Variants in ZNF148 observed in about 807,000 individuals in gnomAD.
ZNF148 encodes the protein zinc finger protein 148.
Under a neutral mutation model 67.7 loss-of-function variants are expected in ZNF148, and 7 were observed. The observed-to-expected ratio is 0.10, with a 90% CI of 0.06 to 0.19. The LOEUF (loss-of-function observed/expected upper bound fraction) is 0.19, where lower values mean the gene tolerates loss of function less well. Among genes scored for constraint, ZNF148 ranks in the 10% least tolerant of loss-of-function variants. The probability of loss-of-function intolerance (pLI) is 1.00; values close to 1 mark genes in which losing one functional copy is unlikely to be tolerated. For missense variants in ZNF148, 583 were observed against 947.1 expected (o/e 0.62, Z 5.05); for synonymous variants, 333 against 330.7 (o/e 1.01, Z -0.08).
chr3:125,358,823 T>C (rs541165786), intron 1 of ZNF148, among the ~76,000 whole-genome samples: 1 of 152,308 alleles, frequency 6.6e-6, no homozygotes, highest in East Asian at 1.9e-4. Flanking sequence ...TTCATTCTAA[T>C]CTCTTGGATA....
intron 3 of ZNF148, among the ~76,000 whole-genome samples, chr3:125,317,830 C>G (rs759736287): frequency 6.0e-5 from 9 of 151,002 alleles, no homozygotes; most frequent in Non-Finnish European, 1.3e-4. Context: ...GTACCAACAT[C>G]TTTTCTTTCT....
intron 4 of ZNF148, among the ~76,000 whole-genome samples, chr3:125,310,452 T>C (rs1332050543): frequency 1.3e-5 from 2 of 152,160 alleles, no homozygotes; most frequent in Non-Finnish European, 2.9e-5. Context: ...TATCAAAATC[T>C]ATGCAATGTA....
At chr3:125,372,995 A>T (rs1466303196) in intron 1 of ZNF148, among the ~76,000 whole-genome samples, 1 of 152,084 alleles carries the variant, frequency 6.6e-6, no homozygotes, top group Non-Finnish European at 1.5e-5. Flanking sequence ...AAATTTTTTT[A>T]AAAAGGGTAG....
At chr3:125,253,913 TATG>T (rs1936958820) in intron 7 of ZNF148, among the ~76,000 whole-genome samples, 1 of 152,188 alleles carries the variant, frequency 6.6e-6, no homozygotes, top group South Asian at 2.1e-4. Context: ...TGGGTCAAGT[TATG>T]ATGGTTTCAT....
intron 4 of ZNF148, among the ~76,000 whole-genome samples, chr3:125,295,118 G>T (rs1266822357): frequency 6.6e-6 from 1 of 152,080 alleles, no homozygotes. Context: ...ACTTCTAGTG[G>T]TTTTAGAACA....
At chr3:125,249,677 C>CTA (rs1936753730) in intron 7 of ZNF148, among the ~76,000 whole-genome samples, 1 of 152,036 alleles carries the variant, frequency 6.6e-6, no homozygotes, top group Non-Finnish European at 1.5e-5. Flanking sequence ...TCATTTCTGG[C>CTA]TATATATCCA....
At chr3:125,241,472 T>TA (rs1362377822) in intron 7 of ZNF148, among the ~76,000 whole-genome samples, 1 of 152,120 alleles carries the variant, frequency 6.6e-6, no homozygotes, top group Admixed American at 6.5e-5. Flanking sequence ...AATGAATACA[T>TA]AATCTTTTCT....
At chr3:125,276,902 A>G (rs907579617) in intron 7 of ZNF148, among the ~76,000 whole-genome samples, 1 of 152,240 alleles carries the variant, frequency 6.6e-6, no homozygotes, top group Non-Finnish European at 1.5e-5. Flanking sequence ...AACACTGGGC[A>G]GGTACTTGCT....
chr3:125,302,148 G>A (rs1939625159), intron 4 of ZNF148, among the ~76,000 whole-genome samples: 1 of 151,980 alleles, frequency 6.6e-6, no homozygotes, highest in African/African-American at 2.4e-5. Context: ...AGGCCAAGGT[G>A]GGAGGATCGC....
chr3:125,242,603 C>T (rs1936416847), intron 7 of ZNF148, among the ~76,000 whole-genome samples: 1 of 152,158 alleles, frequency 6.6e-6, no homozygotes, highest in Non-Finnish European at 1.5e-5. Context: ...TGCACTCCAG[C>T]CTGGCAAAGG....
intron 5 of ZNF148, among the ~76,000 whole-genome samples, chr3:125,283,487 G>A (rs180871537): frequency 1.0e-3 from 159 of 152,180 alleles, no homozygotes; most frequent in African/African-American, 3.7e-3. Context: ...TCTAAAGAAA[G>A]ATTTACATCA....
In ZNF148 at chr3:125,322,027, C is replaced by CTTTT. The variant is rs35879999; in HGVS notation, c.-17+1278_-17+1281dup. Among the ~76,000 whole-genome samples, 185 of 82,906 alleles carry CTTTT rather than the reference C, an allele frequency of 2.2e-3. 5 individuals carry two copies. Among genetic ancestry groups the CTTTT allele is most frequent in the South Asian group, 3.6e-3 (7 of 1,936 alleles). 54.4% of individuals were successfully genotyped at this position (82,906 alleles called of 152,430 possible). ...AGTTAACTGTTTAAATAATCAACGGCTTTTTTTTTTTTTTTTTTTTTTGAG... is the reference window on the plus strand; with the variant it reads ...AGTTAACTGTTTAAATAATCAACGGCTTTTTTTTTTTTTTTTTTTTTTTTTTGAG... On this transcript the variant is annotated intron_variant, in intron 3 of 8. Coordinates refer to ENST00000360647, the MANE Select transcript of ZNF148 (RefSeq NM_021964.3).
chr3:125,282,288 G>A (rs113461436), intron 5 of ZNF148, among the ~76,000 whole-genome samples: 119 of 152,218 alleles, frequency 7.8e-4, no homozygotes, highest in African/African-American at 2.8e-3. Context: ...TCTACCAGCT[G>A]AGTGTGTTTG....
chr3:125,272,750 A>C (rs1937824075), intron 7 of ZNF148, among the ~76,000 whole-genome samples: 1 of 152,186 alleles, frequency 6.6e-6, no homozygotes, highest in South Asian at 2.1e-4. Context: ...TGTTTTATGT[A>C]TAACCAATCT....
chr3:125,318,425 G>C (rs1318870556), intron 3 of ZNF148, among the ~76,000 whole-genome samples: 1 of 152,072 alleles, frequency 6.6e-6, no homozygotes, highest in Non-Finnish European at 1.5e-5. Context: ...AGGGGCTAGG[G>C]ATACTACACA....
intron 1 of ZNF148, 58 bp downstream of exon 1, chr3:125,375,043 GC>G (rs1177481534): frequency 6.9e-6 from 1 of 143,992 alleles, no homozygotes; most frequent in East Asian, 2.4e-4. Context: ...CCCGCGCGCC[GC>G]CCCCTCCCCC....
chr3:125,261,573 G>C (rs553949599), intron 7 of ZNF148, among the ~76,000 whole-genome samples: 1 of 152,266 alleles, frequency 6.6e-6, no homozygotes, highest in East Asian at 1.9e-4. Context: ...AAAGGAGGTA[G>C]AATCACTGGA....
chr3:125,335,974 G>A (rs904778940), intron 1 of ZNF148, among the ~76,000 whole-genome samples: 1 of 152,182 alleles, frequency 6.6e-6, no homozygotes, highest in African/African-American at 2.4e-5. Context: ...CAAAAATTCT[G>A]TCAAGAATAT....
chr3:125,345,365 CA>C (rs1487014487), intron 1 of ZNF148, among the ~76,000 whole-genome samples: 1 of 151,982 alleles, frequency 6.6e-6, no homozygotes, highest in Non-Finnish European at 1.5e-5. Flanking sequence ...TAATACACAT[CA>C]AAATACATGG....
Sources: gnomAD v4.1 joint callset for allele counts (sites outside exome capture counted in the v4.1 genomes callset) on GRCh38, gnomAD v4.1.1 for gene constraint, MANE v1.5 for transcripts, NCBI Gene and HGNC (gene_info 2026-07-23, HGNC 2026-07-21) for gene names.